PPP1R13L: variants seen among roughly 807,000 people sequenced by gnomAD.
PPP1R13L encodes the protein protein phosphatase 1 regulatory subunit 13 like.
Under a neutral mutation model 80.9 loss-of-function variants are expected in PPP1R13L, and 50 were observed. That is an observed-to-expected ratio of 0.62 (90% CI 0.49 to 0.78). The LOEUF is 0.78. Among genes scored for constraint, PPP1R13L ranks in the 30% least tolerant of loss-of-function variants. The pLI is 0.00. For synonymous variants in PPP1R13L, 602 were observed against 534.3 expected, an observed-to-expected ratio of 1.13 and a Z score of -1.75; for missense variants, 1,200 against 1,205.9, an observed-to-expected ratio of 1.00 and a Z score of 0.07.
rs757175278 is a variant in PPP1R13L at position 45,396,178 on chromosome 19, C to T, written c.893G>A (p.Gly298Asp). 2.7e-5 allele frequency: 43 copies of T among 1,607,764 alleles called. 1 individual carries two copies. In the Admixed American group the frequency reaches 6.9e-4, roughly 26 times the overall value. The change falls in exon 6 of 13, where the codon GGC becomes GAC. Residue 298 changes from glycine (G) to aspartate (D), a missense_variant. Coordinates refer to ENST00000360957, the MANE Select transcript of PPP1R13L (RefSeq NM_006663.4). The surrounding 1 kb of genome is among the most constrained non-coding windows in gnomAD (Gnocchi z 5.3). ...GCGTCGCCTCCTCACCTTGCCGGTG[C>T]CCCCCAGTCCATCCAGGCTGCTCTC... ...WRESSLDGLG[G>D]TGKDNLTSAT...
chr19:45,399,133 C>T (rs1185778774), intron 1 of PPP1R13L, among the ~76,000 whole-genome samples: 17 of 150,934 alleles, frequency 1.1e-4, no homozygotes, highest in African/African-American at 4.1e-4. Context: ...TTAGTAGAGA[C>T]GGGGTTTCAC....
At chr19:45,384,672 C>T (rs866680022) in intron 11 of PPP1R13L, among the ~76,000 whole-genome samples, 101 of 152,134 alleles carry the variant, frequency 6.6e-4, no homozygotes, top group African/African-American at 2.3e-3. Flanking sequence ...GGCAACACTG[C>T]AAAACCCCTT....
At chr19:45,397,857 C>T (rs1973143969) in intron 3 of PPP1R13L, 148 bp downstream of exon 3, 2 of 1,039,298 alleles carry the variant, frequency 1.9e-6, no homozygotes, top group South Asian at 1.9e-5. Flanking sequence ...TGAGCCATCG[C>T]GCCTGGCCTG....
chr19:45,401,056 G>A (rs543363200), intron 1 of PPP1R13L, among the ~76,000 whole-genome samples: 2 of 140,170 alleles, frequency 1.4e-5, no homozygotes, highest in Non-Finnish European at 3.0e-5. Context: ...GATTACAGGC[G>A]TGAGCCACCG....
chr19:45,393,334 T>C (rs1973018204), intron 7 of PPP1R13L, among the ~76,000 whole-genome samples: 1 of 152,088 alleles, frequency 6.6e-6, no homozygotes, highest in African/African-American at 2.4e-5. Flanking sequence ...CTCATGCCTG[T>C]AATCCCAGCA....
At chr19:45,393,406 C>A (rs1477720931) in intron 7 of PPP1R13L, among the ~76,000 whole-genome samples, 1 of 150,910 alleles carries the variant, frequency 6.6e-6, no homozygotes, top group Non-Finnish European at 1.5e-5. Context: ...GCCTGGCCAA[C>A]ATGGCAAAAC....
chr19:45,385,768 A>T, intron 10 of PPP1R13L, 40 bp from the exon 11 acceptor site: 1 of 1,608,130 alleles, frequency 6.2e-7, no homozygotes, highest in Non-Finnish European at 8.5e-7. Context: ...ACGATGCGTG[A>T]GAGGCTGCGC....
At chr19:45,394,256 T>G (rs1973036300) in intron 7 of PPP1R13L, among the ~76,000 whole-genome samples, 2 of 152,086 alleles carry the variant, frequency 1.3e-5, no homozygotes, top group South Asian at 4.2e-4. Flanking sequence ...CTCAGCATCC[T>G]GAGTAGCTGG....
chr19:45,387,175 G>C (rs1402795131), intron 8 of PPP1R13L, among the ~76,000 whole-genome samples: 1 of 151,926 alleles, frequency 6.6e-6, no homozygotes, highest in Non-Finnish European at 1.5e-5. Flanking sequence ...GGCTGAGGCA[G>C]GAGGATTACT....
At chr19:45,391,763 T>A in intron 8 of PPP1R13L, 117 bp downstream of exon 8, 1 of 759,032 alleles carries the variant, frequency 1.3e-6, no homozygotes, top group Non-Finnish European at 1.9e-6. Flanking sequence ...CTTGGACTTC[T>A]ACTCAAAAGA....
Position 45,396,402 on chromosome 19 carries a change from G to T in PPP1R13L, c.747C>A (p.Ala249=), listed in dbSNP as rs765260836. The T allele has an allele frequency of 1.9e-6, 3 of 1,614,014 alleles. No individual in the cohort carries two copies. The African/African-American group carries it at 4.0e-5, about 22-fold the overall frequency. ...CCACGTCCAGGTCAGACTCGTTCCA[G>T]GCTTTCGGAGGCCGCCGGCGCAGCG... ...DLTLRRRPPK[A]WNESDLDVAY... Residue 249 remains alanine, a synonymous_variant, in exon 5 of 13, where the codon GCC becomes GCA. Coordinates refer to ENST00000360957, the MANE Select transcript of PPP1R13L (RefSeq NM_006663.4). This position sits in a 1 kb window ranked among gnomAD's most constrained non-coding sequence, Gnocchi z 5.3.
At chr19:45,404,910 C>G in intron 1 of PPP1R13L, 89 bp downstream of exon 1, 1 of 827,614 alleles carries the variant, frequency 1.2e-6, no homozygotes, top group Non-Finnish European at 1.5e-6. Context: ...CGCCCTGGGA[C>G]CTGGCGTCCG....
chr19:45,392,215 G>C lies in PPP1R13L; in HGVS notation c.1480C>G (p.Gln494Glu), dbSNP rs1359099714. ...TGTGCCTCCGGTGGCAGTGCTGGCTGCAGCCTCGTGGGGCTGAGAGGCCTT... is the reference window on the plus strand; with the variant it reads ...TGTGCCTCCGGTGGCAGTGCTGGCTCCAGCCTCGTGGGGCTGAGAGGCCTT... ...VARPLSPTRL[Q>E]PALPPEAQSV... Residue 494 changes from glutamine to glutamate, a missense_variant, in exon 8 of 13, where the codon CAG becomes GAG. This residue lies in a region of PPP1R13L where 53 missense variants were observed against 96.5 expected (regional missense o/e 0.55). Coordinates refer to ENST00000360957, the MANE Select transcript of PPP1R13L (RefSeq NM_006663.4). 6.2e-7 allele frequency: 1 copy of C among 1,611,838 alleles called. No homozygotes were observed. The highest frequency in any genetic ancestry group is 1.1e-5 in the South Asian group (1 of 90,992).
rs1972784547 is a variant in PPP1R13L at position 45,382,597 on chromosome 19, G to T, written c.2378C>A (p.Pro793Gln). The change falls in exon 12 of 13, where the codon CCG (proline) becomes CAG (glutamine). Residue 793 changes from proline (P) to glutamine (Q), a missense_variant. This residue lies in a region of PPP1R13L where 165 missense variants were observed against 177.1 expected (regional missense o/e 0.93). Transcript: ENST00000360957. ...GGCCCACCACCAGTCGGTCTCCTCC[G>T]GCCCGTCCCTCCGCAGCACGGTGAC... ...ESVTVLRRDG[P>Q]EETDWWWAAL... 1 of 1,613,480 alleles carries T rather than the reference G, an allele frequency of 6.2e-7. No homozygotes were observed. Among genetic ancestry groups the T allele is most frequent in the Non-Finnish European group, 8.5e-7 (1 of 1,179,986 alleles).
rs764446873 is a variant in PPP1R13L at position 45,392,173 on chromosome 19, C to T, written c.1522G>A (p.Glu508Lys). ...TCCGCCAACACCCGTGCCACCTCCT[C>T]CAGCTCGGGCACCGACTGTGCCTCC... Reference protein sequence around the residue: ...PPEAQSVPELEEVARVLAEIP... With the variant: ...PPEAQSVPELKEVARVLAEIP... Residue 508 changes from glutamate to lysine, a missense_variant, in exon 8 of 13, where the codon GAG becomes AAG. Glu to Lys is a moderately conservative substitution (Grantham distance 56, BLOSUM62 1). This residue lies in a region of PPP1R13L where 53 missense variants were observed against 96.5 expected (regional missense o/e 0.55). Transcript: ENST00000360957. 1 of 1,607,118 alleles carries T rather than the reference C, an allele frequency of 6.2e-7. No individual in the cohort carries two copies. The highest frequency in any genetic ancestry group is 8.5e-7 in the Non-Finnish European group (1 of 1,175,748).
rs752003459 is a variant in PPP1R13L, at chr19:45,396,581, C to T, written c.676G>A (p.Gly226Ser). Residue 226 changes from glycine to serine, a missense_variant, in exon 4 of 13, where the codon GGC (glycine) becomes AGC (serine). Gly to Ser is a moderately conservative substitution (Grantham distance 56, BLOSUM62 0). Around this residue, in one of 5 missense-constraint regions of PPP1R13L, gnomAD observed 764 missense variants for 714.5 expected, o/e 1.07. Coordinates refer to ENST00000360957, the MANE Select transcript of PPP1R13L (RefSeq NM_006663.4). This position sits in a 1 kb window ranked among gnomAD's most constrained non-coding sequence, Gnocchi z 5.3. ...AGAGGCGGGGCGAATGCGCTGCCGCCGGAGCCTAGCAGGGAGCTCCCGAAG... is the reference window on the plus strand; with the variant it reads ...AGAGGCGGGGCGAATGCGCTGCCGCTGGAGCCTAGCAGGGAGCTCCCGAAG... ...SAFGSSLLGSGGSAFAPPLRA... is the reference protein window; with the variant it reads ...SAFGSSLLGSSGSAFAPPLRA... 2.0e-6 allele frequency: 3 copies of T among 1,504,456 alleles called. No individual in the cohort carries two copies. Among genetic ancestry groups the T allele is most frequent in the East Asian group, 4.6e-5 (2 of 43,676 alleles). The allele number at this position is 1,504,456 out of a possible 1,614,324, so 93.2% of individuals were successfully genotyped here.
At chr19:45,395,995 G>T in intron 6 of PPP1R13L, 109 bp from the exon 7 acceptor site, 1 of 1,291,624 alleles carries the variant, frequency 7.7e-7, no homozygotes, top group Non-Finnish European at 1.1e-6. Context: ...CTGGGAGTGA[G>T]GGAGAAGAAA....
At chr19:45,399,942 C>T (rs1973198723) in intron 1 of PPP1R13L, among the ~76,000 whole-genome samples, 1 of 150,572 alleles carries the variant, frequency 6.6e-6, no homozygotes, top group Non-Finnish European at 1.5e-5. Flanking sequence ...GAGCGAGGCT[C>T]TATTTAAAAA....
chr19:45,393,836 C>T (rs1973028307), intron 7 of PPP1R13L, among the ~76,000 whole-genome samples: 1 of 151,926 alleles, frequency 6.6e-6, no homozygotes, highest in Non-Finnish European at 1.5e-5. Flanking sequence ...CCACTGCACT[C>T]CAACCTGGAA....
Sources: allele counts gnomAD v4.1 joint callset (sites outside exome capture counted in the v4.1 genomes callset), GRCh38; gene constraint gnomAD v4.1.1; regional missense constraint gnomAD v4.1.1; non-coding constraint Gnocchi (gnomAD v3.1); transcripts MANE v1.5; gene names NCBI Gene and HGNC (gene_info 2026-07-23, HGNC 2026-07-21).